The following IARS1 variants were observed in gnomAD, a reference collection of about 807,000 sequenced individuals.
IARS1 encodes isoleucine--tRNA ligase, cytoplasmic.
IARS1 carries 124 observed loss-of-function variants against 168.2 expected under a neutral mutation model. The observed-to-expected ratio is 0.74, with a 90% confidence interval of 0.64 to 0.86. The LOEUF (loss-of-function observed/expected upper bound fraction) is 0.86, where lower values mean the gene tolerates loss of function less well. Ranked by LOEUF, IARS1 falls within the 40% of genes least tolerant of loss-of-function variation. The pLI is 0.00. For missense variants in IARS1, 1,452 were observed against 1,515.8 expected (o/e 0.96, Z 0.70); for synonymous variants, 532 against 529.4 (o/e 1.00, Z -0.07).
intron 3 of IARS1, 91 bp downstream of exon 3, chr9:92,288,035 C>G: frequency 6.6e-7 from 1 of 1,504,426 alleles, no homozygotes; most frequent in Non-Finnish European, 9.1e-7. Flanking sequence ...GTCTGACAGT[C>G]AACGTTCATC....
intron 33 of IARS1, among the ~76,000 whole-genome samples, chr9:92,212,697 C>T (rs1837956171): frequency 6.6e-6 from 1 of 152,142 alleles, no homozygotes; most frequent in Non-Finnish European, 1.5e-5. Flanking sequence ...TAGAAAGCTA[C>T]ATTATTAGAT....
chr9:92,215,298 T>C (rs1838472304), intron 33 of IARS1, among the ~76,000 whole-genome samples: 1 of 151,750 alleles, frequency 6.6e-6, no homozygotes, highest in Non-Finnish European at 1.5e-5. Context: ...AGACCAAAAG[T>C]AGATAAAACC....
At chr9:92,243,436 C>A in intron 27 of IARS1, 125 bp from the exon 28 acceptor site, 1 of 609,066 alleles carries the variant, frequency 1.6e-6, no homozygotes, top group South Asian at 1.9e-5. Flanking sequence ...CACAAATGAG[C>A]AAAAGCAATA....
chr9:92,214,086 C>A (rs1028248970), intron 33 of IARS1, among the ~76,000 whole-genome samples: 3 of 151,980 alleles, frequency 2.0e-5, no homozygotes, highest in African/African-American at 7.2e-5. Context: ...CACGCAGACC[C>A]AGTCACAGCT....
intron 18 of IARS1, among the ~76,000 whole-genome samples, chr9:92,259,344 C>T (rs751522790): frequency 4.6e-5 from 7 of 152,128 alleles, no homozygotes; most frequent in Non-Finnish European, 7.4e-5. Flanking sequence ...GTCCTTCCCA[C>T]GGACACGACC....
intron 30 of IARS1, among the ~76,000 whole-genome samples, chr9:92,229,941 C>T (rs1345265099): frequency 3.3e-5 from 5 of 152,298 alleles, no homozygotes; most frequent in East Asian, 3.9e-4. Flanking sequence ...TGAGAATCCT[C>T]GTGTTGCCTT....
chr9:92,249,085 G>A, intron 25 of IARS1, among the ~76,000 whole-genome samples: 1 of 152,166 alleles, frequency 6.6e-6, no homozygotes, highest in East Asian at 1.9e-4. Context: ...AAACCTAAAT[G>A]TCAAACAACG....
intron 17 of IARS1, among the ~76,000 whole-genome samples, chr9:92,260,524 G>A (rs888081838): frequency 3.9e-5 from 6 of 151,938 alleles, no homozygotes; most frequent in East Asian, 1.9e-4. Flanking sequence ...GCGTGGGGGC[G>A]CACACTTGTA....
intron 33 of IARS1, among the ~76,000 whole-genome samples, chr9:92,222,268 G>C (rs1194639766): frequency 6.8e-6 from 1 of 147,562 alleles, no homozygotes; most frequent in Admixed American, 6.9e-5. Flanking sequence ...CTGAACCCAG[G>C]AGGCGGAGGT....
At chr9:92,250,157 G>A (rs1398750301) in intron 24 of IARS1, 30 bp downstream of exon 24, 1 of 1,328,886 alleles carries the variant, frequency 7.5e-7, no homozygotes, top group African/African-American at 1.4e-5. Context: ...TTAGGTCTGT[G>A]CCATGTAAAA....
At chr9:92,220,648 C>CAAAA (rs1554723326) in intron 33 of IARS1, among the ~76,000 whole-genome samples, 20 of 151,652 alleles carry the variant, frequency 1.3e-4, no homozygotes, top group Non-Finnish European at 1.9e-4. Flanking sequence ...AACAAACAAA[C>CAAAA]AAAAAACACG....
chr9:92,233,346 G>A (rs1279568153), intron 30 of IARS1, among the ~76,000 whole-genome samples: 1 of 152,114 alleles, frequency 6.6e-6, no homozygotes, highest in Non-Finnish European at 1.5e-5. Context: ...ATTTAACCAT[G>A]GCCATTTAAA....
rs1476310137 is a variant in IARS1, at chr9:92,269,986, G to A, written c.1206-3C>T. The A allele has an allele frequency of 6.2e-7, 1 of 1,605,766 alleles. No homozygotes were observed. The highest frequency in any genetic ancestry group is 2.2e-5 in the East Asian group (1 of 44,808). ...TGTAAATTAGAGGAGTGTCTGATCT[G>A]GGGAAGCAGAAACACACACATAGCT... On this transcript the variant is annotated splice_region_variant and splice_polypyrimidine_tract_variant and intron_variant, in intron 12 of 33. Coordinates refer to ENST00000443024, the MANE Select transcript of IARS1 (RefSeq NM_002161.6).
chr9:92,220,233 A>G (rs988505972), intron 33 of IARS1, among the ~76,000 whole-genome samples: 1 of 133,718 alleles, frequency 7.5e-6, no homozygotes, highest in African/African-American at 2.9e-5. Context: ...TCACATGGAC[A>G]CAGGAAGGGG....
chr9:92,237,681 C>G (rs1827737193), intron 30 of IARS1, among the ~76,000 whole-genome samples: 1 of 152,248 alleles, frequency 6.6e-6, no homozygotes, highest in Admixed American at 6.5e-5. Context: ...TCTTTGTGTA[C>G]TGACACTTCT....
At chr9:92,265,867 C>A (rs903540505) in intron 14 of IARS1, among the ~76,000 whole-genome samples, 9 of 152,170 alleles carry the variant, frequency 5.9e-5, no homozygotes, top group Non-Finnish European at 8.8e-5. Context: ...CCATGCTGCC[C>A]AGGCTGGTCT....
chr9:92,267,678 C>T (rs1282678528), intron 14 of IARS1, among the ~76,000 whole-genome samples: 1 of 152,146 alleles, frequency 6.6e-6, no homozygotes, highest in Admixed American at 6.5e-5. Flanking sequence ...TTATCAAGAA[C>T]CTCTGTATGA....
At chr9:92,278,838 T>A (rs1434918281) in intron 7 of IARS1, among the ~76,000 whole-genome samples, 1 of 152,208 alleles carries the variant, frequency 6.6e-6, no homozygotes, top group Non-Finnish European at 1.5e-5. Flanking sequence ...TAAAGAGCTC[T>A]ATGGGACGCT....
At chr9:92,264,458 C>T (rs73516563) in intron 16 of IARS1, among the ~76,000 whole-genome samples, 2,743 of 152,128 alleles carry the variant, frequency 0.018, 92 homozygotes, top group African/African-American at 0.062. Context: ...AAATCAATGC[C>T]CAAATCCTCT....
Sources: gnomAD v4.1 joint callset for allele counts (sites outside exome capture counted in the v4.1 genomes callset) on GRCh38, gnomAD v4.1.1 for gene constraint, MANE v1.5 for transcripts, NCBI Gene and HGNC (gene_info 2026-07-23, HGNC 2026-07-21) for gene names.